ARB2A: variants seen among roughly 807,000 people sequenced by gnomAD.
The protein encoded by ARB2A is ARB2 cotranscriptional regulator A, also known as cotranscriptional regulator ARB2A.
chr5:93,959,568 T>A, the ARB2A span, among the ~76,000 whole-genome samples: 1 of 152,118 alleles, frequency 6.6e-6, no homozygotes, highest in East Asian at 1.9e-4. Context: ...AAGAGGAAAC[T>A]ATTTAAAAAC....
At chr5:93,911,008 T>C in the ARB2A span, 1 of 151,568 alleles carries the variant, frequency 6.6e-6, no homozygotes, top group Non-Finnish European at 1.5e-5. Context: ...TAAGTAATAC[T>C]GACAGCGTTC....
the ARB2A span, among the ~76,000 whole-genome samples, chr5:93,779,130 C>T: frequency 7.2e-3 from 954 of 131,726 alleles, 5 homozygotes; most frequent in African/African-American, 0.03. Context: ...TGTGTGCGCG[C>T]GCGCGCGCAC....
chr5:93,665,999 T>C, the ARB2A span, among the ~76,000 whole-genome samples: 2 of 152,060 alleles, frequency 1.3e-5, no homozygotes, highest in Non-Finnish European at 2.9e-5. Flanking sequence ...TGCAGAAAAA[T>C]GGCAGATCAG....
chr5:93,787,742 C>G, the ARB2A span, among the ~76,000 whole-genome samples: 1 of 152,180 alleles, frequency 6.6e-6, no homozygotes, highest in Non-Finnish European at 1.5e-5. Context: ...ATATATACAG[C>G]ATTTCATTCA....
chr5:93,743,618 A>C, the ARB2A span: 1 of 893,046 alleles, frequency 1.1e-6, no homozygotes, highest in African/African-American at 1.8e-5. Context: ...GATAAAGAAG[A>C]GAAAGCAATA....
the ARB2A span, chr5:93,958,773 T>G: frequency 2.7e-6 from 4 of 1,491,044 alleles, no homozygotes; most frequent in Non-Finnish European, 3.6e-6. Context: ...GAAATTGTAC[T>G]TACAGCCACA....
chr5:93,971,769 T>G, the ARB2A span, among the ~76,000 whole-genome samples: 7 of 152,116 alleles, frequency 4.6e-5, no homozygotes, highest in Admixed American at 2.6e-4. Context: ...AATAATTGGT[T>G]GGATTCCTCA....
the ARB2A span, among the ~76,000 whole-genome samples, chr5:94,087,163 A>T: frequency 6.6e-6 from 1 of 152,098 alleles, no homozygotes; most frequent in Admixed American, 6.6e-5. Flanking sequence ...AAATAGAAAA[A>T]AGCTTACAAA....
At chr5:93,957,377 C>T in the ARB2A span, among the ~76,000 whole-genome samples, 6 of 152,138 alleles carry the variant, frequency 3.9e-5, no homozygotes, top group African/African-American at 1.2e-4. Flanking sequence ...ATTGTGAACA[C>T]ATTTTACATA....
At chr5:94,075,283 T>C in the ARB2A span, among the ~76,000 whole-genome samples, 3 of 151,992 alleles carry the variant, frequency 2.0e-5, no homozygotes, top group Non-Finnish European at 4.4e-5. Flanking sequence ...TAATTAAAAA[T>C]ACAACTTTCA....
At chr5:94,092,364 T>C in the ARB2A span, among the ~76,000 whole-genome samples, 1 of 152,116 alleles carries the variant, frequency 6.6e-6, no homozygotes, top group Non-Finnish European at 1.5e-5. Flanking sequence ...CATATCCTTG[T>C]GCTTGAAATT....
chr5:94,016,871 C>T, the ARB2A span, among the ~76,000 whole-genome samples: 1 of 152,092 alleles, frequency 6.6e-6, no homozygotes, highest in Non-Finnish European at 1.5e-5. Context: ...AAGGACTTGT[C>T]TAAGTAGGGT....
the ARB2A span, among the ~76,000 whole-genome samples, chr5:93,698,469 G>A: frequency 6.6e-5 from 10 of 152,086 alleles, no homozygotes; most frequent in Non-Finnish European, 8.8e-5. Context: ...AACAGAAGAA[G>A]GGATAGAAAT....
chr5:93,732,190 A>C, the ARB2A span, among the ~76,000 whole-genome samples: 1 of 152,200 alleles, frequency 6.6e-6, no homozygotes, highest in Admixed American at 6.5e-5. Context: ...TAAGGATTTC[A>C]CTGGGTATTG....
the ARB2A span, among the ~76,000 whole-genome samples, chr5:93,675,367 A>G: frequency 1.8e-4 from 27 of 152,218 alleles, no homozygotes; most frequent in Non-Finnish European, 4.4e-5. Context: ...TAGAAGATAT[A>G]AACTCATGCT....
At chr5:93,845,841 C>T in the ARB2A span, among the ~76,000 whole-genome samples, 1 of 152,132 alleles carries the variant, frequency 6.6e-6, no homozygotes, top group Non-Finnish European at 1.5e-5. Context: ...TAGTCAGAAG[C>T]TAAACATGCC....
At chr5:93,834,630 A>C in the ARB2A span, among the ~76,000 whole-genome samples, 2 of 152,164 alleles carry the variant, frequency 1.3e-5, no homozygotes, top group Non-Finnish European at 2.9e-5. Context: ...TAAACATAGA[A>C]ATTAATAAAC....
the ARB2A span, among the ~76,000 whole-genome samples, chr5:93,840,748 T>A: frequency 6.6e-6 from 1 of 152,172 alleles, no homozygotes; most frequent in African/African-American, 2.4e-5. Context: ...ACTCTGAATA[T>A]AGCAATTTAC....
At chr5:93,901,560 A>G in the ARB2A span, among the ~76,000 whole-genome samples, 23 of 152,136 alleles carry the variant, frequency 1.5e-4, no homozygotes, top group Non-Finnish European at 3.1e-4. Flanking sequence ...ATTCAATACT[A>G]CCTCAAAAAC....
Sources: gnomAD v4.1 joint callset for allele counts (sites outside exome capture counted in the v4.1 genomes callset) on GRCh38, gnomAD v4.1.1 for gene constraint, MANE v1.5 for transcripts, NCBI Gene and HGNC (gene_info 2026-07-23, HGNC 2026-07-21) for gene names.